Variants in AK8 observed in about 807,000 individuals in gnomAD.
AK8 encodes ATP-AMP transphosphorylase 8.
Under a neutral mutation model 54.6 loss-of-function variants are expected in AK8, and 44 were observed. The ratio of observed to expected loss-of-function variants is 0.81; its 90% CI spans 0.63 to 1.04. AK8 has a LOEUF of 1.04. Ranked by LOEUF, AK8 falls within the 50% of genes least tolerant of loss-of-function variation. The probability of loss-of-function intolerance (pLI) is 0.00; values close to 1 mark genes in which losing one functional copy is unlikely to be tolerated. For missense variants in AK8, 555 were observed against 613.6 expected, an observed-to-expected ratio of 0.90 and a Z score of 1.01; for synonymous variants, 239 against 245.6, an observed-to-expected ratio of 0.97 and a Z score of 0.25.
intron 11 of AK8, among the ~76,000 whole-genome samples, chr9:132,732,559 T>A (rs970406906): frequency 2.6e-5 from 4 of 152,082 alleles, no homozygotes; most frequent in Non-Finnish European, 5.9e-5. Context: ...GCCGGGTCTA[T>A]GAGAAGCCAC....
chr9:132,875,435 C>A (rs371772027), intron 1 of AK8, among the ~76,000 whole-genome samples: 1 of 152,148 alleles, frequency 6.6e-6, no homozygotes, highest in African/African-American at 2.4e-5. Context: ...GGAGGAGTCT[C>A]GCCCCTGATT....
At chr9:132,857,227 T>C (rs984168497) in intron 4 of AK8, among the ~76,000 whole-genome samples, 5 of 152,194 alleles carry the variant, frequency 3.3e-5, no homozygotes, top group African/African-American at 1.2e-4. Flanking sequence ...CACAAACTGC[T>C]GGGCCCCAGC....
chr9:132,841,295 C>T (rs1212066559), intron 5 of AK8, among the ~76,000 whole-genome samples: 4 of 152,170 alleles, frequency 2.6e-5, no homozygotes, highest in Admixed American at 1.3e-4. Context: ...ACCCGAGCCA[C>T]GTGTGGAGCC....
intron 2 of AK8, among the ~76,000 whole-genome samples, chr9:132,872,016 T>C (rs895825603): frequency 2.0e-5 from 3 of 152,196 alleles, no homozygotes; most frequent in Admixed American, 1.3e-4. Flanking sequence ...GCTGGGGAAC[T>C]AGGTAAGCCT....
chr9:132,776,843 A>G (rs1157834614), intron 11 of AK8, among the ~76,000 whole-genome samples: 1 of 152,118 alleles, frequency 6.6e-6, no homozygotes, highest in Non-Finnish European at 1.5e-5. Context: ...TTCACGGGCA[A>G]TTTACTAAGC....
rs1391948974 is a variant in AK8, at chr9:132,781,016, C to G, written c.1121+11618G>C. On this transcript the variant is annotated intron_variant, in intron 11 of 12. Coordinates refer to ENST00000298545, the MANE Select transcript of AK8 (RefSeq NM_152572.3). The surrounding 1 kb of genome is among the most constrained non-coding windows in gnomAD (Gnocchi z 4.6). ...ACACGGCAAACTTCCCAACATCAAT[C>G]AGAATCCTATACTCTTTCTCTGTAG... Among the ~76,000 whole-genome samples the G allele has an allele frequency of 6.6e-6, 1 of 152,126 alleles. No individual in the cohort carries two copies. The highest frequency in any genetic ancestry group is 2.4e-5 in the African/African-American group (1 of 41,424).
At chr9:132,726,790 G>C (rs1251206945) in intron 12 of AK8, among the ~76,000 whole-genome samples, 3 of 152,066 alleles carry the variant, frequency 2.0e-5, no homozygotes, top group African/African-American at 7.2e-5. Context: ...GTGACATGAA[G>C]GCCACAGCAC....
At chr9:132,836,123 C>CAA (rs201519284) in intron 5 of AK8, among the ~76,000 whole-genome samples, 5 of 148,702 alleles carry the variant, frequency 3.4e-5, no homozygotes, top group African/African-American at 1.2e-4. Context: ...AACTCCATCT[C>CAA]AAAAAAAAAC....
intron 4 of AK8, among the ~76,000 whole-genome samples, chr9:132,857,892 G>A (rs112311969): frequency 1.3e-5 from 2 of 152,204 alleles, no homozygotes; most frequent in Non-Finnish European, 2.9e-5. Flanking sequence ...GATGTGTCAC[G>A]TCAGCAGCAG....
At chr9:132,822,943 G>A (rs2131290832) in intron 9 of AK8, among the ~76,000 whole-genome samples, 1 of 152,232 alleles carries the variant, frequency 6.6e-6, no homozygotes, top group African/African-American at 2.4e-5. Flanking sequence ...TATAAAAAAC[G>A]ATGACTGAAA....
chr9:132,811,962 T>A (rs1014492988), intron 10 of AK8, among the ~76,000 whole-genome samples: 2 of 152,214 alleles, frequency 1.3e-5, no homozygotes, highest in African/African-American at 4.8e-5. Context: ...TGTTGGCCGA[T>A]TGGCACTACC....
At chr9:132,759,076 G>A (rs1188717967) in intron 11 of AK8, among the ~76,000 whole-genome samples, 2 of 151,352 alleles carry the variant, frequency 1.3e-5, no homozygotes, top group African/African-American at 4.9e-5. Flanking sequence ...GTGTGTTGTA[G>A]TCCCAGCTAT....
At chr9:132,787,123 A>G (rs912300573) in intron 11 of AK8, among the ~76,000 whole-genome samples, 3 of 152,142 alleles carry the variant, frequency 2.0e-5, no homozygotes, top group African/African-American at 7.2e-5. Flanking sequence ...ACAAGGGAAA[A>G]AAGATATTTT....
chr9:132,795,702 C>G (rs1018307404), intron 10 of AK8, among the ~76,000 whole-genome samples: 2 of 152,106 alleles, frequency 1.3e-5, no homozygotes, highest in African/African-American at 4.8e-5. Flanking sequence ...GCCAAGGCCC[C>G]CGGGCTCCTG....
At chr9:132,729,162 G>C (rs760183585) in intron 11 of AK8, among the ~76,000 whole-genome samples, 2 of 152,174 alleles carry the variant, frequency 1.3e-5, no homozygotes, top group Non-Finnish European at 2.9e-5. Context: ...TGGGATTACA[G>C]GCATGAGCCA....
intron 4 of AK8, among the ~76,000 whole-genome samples, chr9:132,858,685 A>G (rs1843270778): frequency 6.6e-6 from 1 of 152,192 alleles, no homozygotes. Context: ...GACAACTCCC[A>G]TTCCAAAGTT....
intron 5 of AK8, among the ~76,000 whole-genome samples, chr9:132,841,795 C>A (rs183559327): frequency 6.6e-6 from 1 of 152,268 alleles, no homozygotes; most frequent in Admixed American, 6.5e-5. Flanking sequence ...TTATGTTACA[C>A]ATTTATTTAA....
intron 5 of AK8, among the ~76,000 whole-genome samples, chr9:132,839,480 G>C (rs1476405697): frequency 6.6e-6 from 1 of 152,160 alleles, no homozygotes; most frequent in Non-Finnish European, 1.5e-5. Flanking sequence ...GCTTTTGATG[G>C]GAGAATAGGA....
chr9:132,805,052 G>A (rs1840654380), intron 10 of AK8, among the ~76,000 whole-genome samples: 1 of 152,226 alleles, frequency 6.6e-6, no homozygotes. Flanking sequence ...GCCAAGGGCT[G>A]CCCAGACAGC....
Sources: allele counts gnomAD v4.1 joint callset (sites outside exome capture counted in the v4.1 genomes callset), GRCh38; gene constraint gnomAD v4.1.1; non-coding constraint Gnocchi (gnomAD v3.1); transcripts MANE v1.5; gene names NCBI Gene and HGNC (gene_info 2026-07-23, HGNC 2026-07-21).